The following COL11A1 variants were observed in gnomAD, a reference collection of about 807,000 sequenced individuals.
COL11A1 encodes collagen type XI alpha 1 chain.
COL11A1 carries 74 observed loss-of-function variants against 265.2 expected under a neutral mutation model. The observed-to-expected ratio is 0.28, with a 90% confidence interval of 0.23 to 0.34. The LOEUF (loss-of-function observed/expected upper bound fraction) is 0.34. COL11A1 is among the 10% of genes least tolerant of loss of function. COL11A1 has a pLI of 1.00. For synonymous variants in COL11A1, 816 were observed against 727.6 expected (o/e 1.12, Z -1.96); for missense variants, 2,165 against 2,263.6 (o/e 0.96, Z 0.88).
intron 9 of COL11A1, among the ~76,000 whole-genome samples, chr1:103,021,439 G>C (rs1667068891): frequency 6.6e-6 from 1 of 151,972 alleles, no homozygotes; most frequent in African/African-American, 2.4e-5. Context: ...TTAGATCTCT[G>C]GTTCTTTAGT....
chr1:103,017,853 G>A lies in COL11A1; in HGVS notation c.1380C>T (p.Gly460=). 1 of 1,613,088 alleles carries A rather than the reference G, an allele frequency of 6.2e-7. No individual in the cohort carries two copies. The highest frequency in any genetic ancestry group is 8.5e-7 in the Non-Finnish European group (1 of 1,179,192). Residue 460 remains glycine (G), a synonymous_variant, in exon 11 of 67, where the codon GGC becomes GGT. Transcript: ENST00000370096. ...AGIMGPPGLQ[G]PTGPPGDPGD... ...CAGGGTCACCAGGGGGTCCAGTGGG[G>A]CCTTGTAGACCTGGAGGACCCATAA...
intron 19 of COL11A1, 54 bp downstream of exon 19, chr1:103,004,554 G>T: frequency 6.3e-7 from 1 of 1,575,972 alleles, no homozygotes; most frequent in Non-Finnish European, 8.7e-7. Flanking sequence ...ACATGATTTT[G>T]TTTTATTATG....
At position 102,888,916 on chromosome 1, in the gene COL11A1, T is replaced by C. The variant is rs145901197; in HGVS notation, c.4468A>G (p.Ile1490Val). 727 of 1,611,956 alleles carry C rather than the reference T, an allele frequency of 4.5e-4. 7 individuals carry two copies. The African/African-American group carries it at 8.8e-3, about 20-fold the overall frequency. The change falls in exon 60 of 67, where the codon ATT (isoleucine) becomes GTT (valine). Residue 1490 changes from isoleucine (I) to valine (V), a missense_variant. Ile to Val is a conservative substitution (Grantham distance 29). Coordinates refer to ENST00000370096, the MANE Select transcript of COL11A1 (RefSeq NM_001854.4). ...GSPGAKGDGG[I>V]PGPAGPLGPP... is the part of the protein sequence containing the mutation. Reference sequence around the variant, plus strand: ...CCTAAGGGACCAGCAGGACCAGGAATTCCCTAGAGAGAGAATCAGCCAATT... The same window carrying C: ...CCTAAGGGACCAGCAGGACCAGGAACTCCCTAGAGAGAGAATCAGCCAATT...
intron 4 of COL11A1, among the ~76,000 whole-genome samples, chr1:103,070,255 C>A (rs1671477034): frequency 6.8e-6 from 1 of 147,968 alleles, no homozygotes; most frequent in Non-Finnish European, 1.5e-5. Flanking sequence ...ATACAATAAA[C>A]ATGGGTAATT....
At chr1:103,025,161 A>G (rs1212198154) in intron 7 of COL11A1, among the ~76,000 whole-genome samples, 1 of 152,168 alleles carries the variant, frequency 6.6e-6, no homozygotes, top group Admixed American at 6.5e-5. Context: ...TCGATGATAC[A>G]ATTTTCACTT....
intron 1 of COL11A1, among the ~76,000 whole-genome samples, chr1:103,089,674 T>C (rs940722375): frequency 4.6e-5 from 7 of 152,222 alleles, no homozygotes; most frequent in Non-Finnish European, 7.3e-5. Flanking sequence ...AAATGTTTAA[T>C]GGATGAATAA....
chr1:103,049,510 G>A (rs1040315413), intron 4 of COL11A1, among the ~76,000 whole-genome samples: 3 of 152,118 alleles, frequency 2.0e-5, no homozygotes, highest in Non-Finnish European at 4.4e-5. Flanking sequence ...GGTGAGATGG[G>A]TTTCCTGAAT....
chr1:103,016,207 A>G (rs962447553), intron 11 of COL11A1, among the ~76,000 whole-genome samples: 2 of 152,016 alleles, frequency 1.3e-5, no homozygotes, highest in African/African-American at 4.8e-5. Context: ...ACTTAACTAC[A>G]TACTATATTT....
rs74108052 is a variant in COL11A1, at chr1:102,911,813, A to C, written c.4086+346T>G. 6.3e-3 allele frequency among the ~76,000 whole-genome samples: 963 copies of C among 152,236 alleles called. 11 individuals are homozygous for C. The highest frequency in any genetic ancestry group is 0.022 in the African/African-American group (923 of 41,542). On this transcript the variant is annotated intron_variant, in intron 54 of 66. Coordinates refer to ENST00000370096, the MANE Select transcript of COL11A1 (RefSeq NM_001854.4). ...TTACAATGTTTTAAGCTAGCACTGG[A>C]CTTTTGACAGCTCATCCCCATGTAT...
chr1:103,054,666 C>G (rs1180096439), intron 4 of COL11A1, among the ~76,000 whole-genome samples: 3 of 151,838 alleles, frequency 2.0e-5, no homozygotes, highest in Admixed American at 6.6e-5. Flanking sequence ...CTTTGGGAGG[C>G]CGAGGTGGAT....
At chr1:103,026,434 G>A in intron 5 of COL11A1, 102 bp from the exon 6 acceptor site, 1 of 795,856 alleles carries the variant, frequency 1.3e-6, no homozygotes, top group Non-Finnish European at 2.2e-6. Context: ...AATGTTAAGA[G>A]ATAAGAAATT....
chr1:102,987,886 G>A (rs1570953474), intron 29 of COL11A1, 146 bp from the exon 30 acceptor site: 1 of 690,218 alleles, frequency 1.4e-6, no homozygotes, highest in Non-Finnish European at 2.6e-6. Flanking sequence ...TCGTTCCTGG[G>A]CATGGAGCAA....
At chr1:102,984,259 A>AT (rs532567797) in intron 30 of COL11A1, 68 bp from the exon 31 acceptor site, 105 of 1,066,896 alleles carry the variant, frequency 9.8e-5, no homozygotes, top group East Asian at 4.2e-4. Flanking sequence ...AATGATTTCA[A>AT]TTTTTTTTAA....
chr1:103,049,160 CCTT>C (rs1218359223), intron 4 of COL11A1, among the ~76,000 whole-genome samples: 1 of 152,056 alleles, frequency 6.6e-6, no homozygotes, highest in African/African-American at 2.4e-5. Flanking sequence ...TCCTTGTTAA[CCTT>C]CTGTCTCGTT....
At chr1:102,970,109 A>AT in intron 37 of COL11A1, 110 bp downstream of exon 37, 1 of 731,550 alleles carries the variant, frequency 1.4e-6, no homozygotes, top group Non-Finnish European at 2.3e-6. Flanking sequence ...TAATTTTTCC[A>AT]TTTTTCTCAA....
At chr1:102,908,315 A>G (rs1023588781) in intron 54 of COL11A1, among the ~76,000 whole-genome samples, 6 of 152,046 alleles carry the variant, frequency 3.9e-5, no homozygotes. Flanking sequence ...TGTTACAAAT[A>G]TTTTCTCCTA....
chr1:102,994,606 A>G (rs1181690004), intron 28 of COL11A1, among the ~76,000 whole-genome samples: 1 of 152,124 alleles, frequency 6.6e-6, no homozygotes, highest in Non-Finnish European at 1.5e-5. Flanking sequence ...ATAGCAGTGC[A>G]AGGACAGTCT....
intron 36 of COL11A1, among the ~76,000 whole-genome samples, chr1:102,971,842 G>T (rs1350604070): frequency 6.6e-6 from 1 of 151,866 alleles, no homozygotes; most frequent in Non-Finnish European, 1.5e-5. Flanking sequence ...AGGTTTTCCA[G>T]GGCTACTACT....
At chr1:103,036,391 A>G (rs970802423) in intron 4 of COL11A1, among the ~76,000 whole-genome samples, 1 of 147,278 alleles carries the variant, frequency 6.8e-6, no homozygotes, top group African/African-American at 2.5e-5. Flanking sequence ...TATAATATAA[A>G]TATATATCTA....
Sources: allele counts gnomAD v4.1 joint callset (sites outside exome capture counted in the v4.1 genomes callset), GRCh38; gene constraint gnomAD v4.1.1; transcripts MANE v1.5; gene names NCBI Gene and HGNC (gene_info 2026-07-23, HGNC 2026-07-21).